SLC24A2: variants seen among roughly 807,000 people sequenced by gnomAD.
The protein encoded by SLC24A2 is sodium/potassium/calcium exchanger 2.
SLC24A2 carries 36 observed loss-of-function variants against 62.0 expected under a neutral mutation model. That is an observed-to-expected ratio of 0.58 (90% CI 0.44 to 0.77). The LOEUF (loss-of-function observed/expected upper bound fraction) is 0.77, where lower values mean the gene tolerates loss of function less well. Ranked by LOEUF, SLC24A2 falls within the 30% of genes least tolerant of loss-of-function variation. The pLI, the probability that SLC24A2 is intolerant of heterozygous loss-of-function variation, is 0.00. For synonymous variants in SLC24A2, 358 were observed against 294.0 expected, an observed-to-expected ratio of 1.22 and a Z score of -2.23; for missense variants, 846 against 817.9, an observed-to-expected ratio of 1.03 and a Z score of -0.42.
At chr9:20,096,519 T>A in the SLC24A2 span, among the ~76,000 whole-genome samples, 1 of 152,158 alleles carries the variant, frequency 6.6e-6, no homozygotes. Flanking sequence ...CTATATTTTA[T>A]ACATCTCTCA....
At chr9:19,655,270 G>A (rs149341766) in intron 2 of SLC24A2, among the ~76,000 whole-genome samples, 30 of 152,278 alleles carry the variant, frequency 2.0e-4, no homozygotes, top group South Asian at 4.1e-4. Context: ...TTTGTAACCC[G>A]AGGTTTTTGG....
In SLC24A2 at chr9:19,786,416, T is replaced by C; in HGVS notation, c.451A>G (p.Ile151Val). The change falls in exon 2 of 11, where the codon ATT (isoleucine) becomes GTT (valine). Residue 151 changes from isoleucine (I) to valine (V), a missense_variant. By Grantham distance (29) the Ile-to-Val change is conservative (BLOSUM62 3). Coordinates refer to ENST00000341998, the MANE Select transcript of SLC24A2 (RefSeq NM_020344.4). The surrounding 1 kb of genome is among the most constrained non-coding windows in gnomAD (Gnocchi z 5.0). Reference protein sequence around the residue: ...GMIYMFIALAIVCDEFFVPSL... With the variant: ...GMIYMFIALAVVCDEFFVPSL... ...GGAACAAAGAACTCATCACAGACAA[T>C]GGCTAAGGCTATGAACATGTAGATC... 2 of 1,614,118 alleles carry C rather than the reference T, an allele frequency of 1.2e-6. No homozygotes were observed. The highest frequency in any genetic ancestry group is 8.5e-7 in the Non-Finnish European group (1 of 1,180,032).
chr9:19,990,901 C>A, the SLC24A2 span, among the ~76,000 whole-genome samples: 1 of 59,722 alleles, frequency 1.7e-5, no homozygotes, highest in South Asian at 3.5e-4. Context: ...TTAGGGTTCT[C>A]TAGAGGGACA....
At chr9:19,952,244 A>G in the SLC24A2 span, among the ~76,000 whole-genome samples, 1 of 152,048 alleles carries the variant, frequency 6.6e-6, no homozygotes, top group Admixed American at 6.5e-5. Context: ...TCATACATAA[A>G]TATGTTGTCT....
chr9:20,174,205 G>A, the SLC24A2 span, among the ~76,000 whole-genome samples: 1 of 151,862 alleles, frequency 6.6e-6, no homozygotes, highest in Non-Finnish European at 1.5e-5. Flanking sequence ...AACTCAAGAC[G>A]GATTAAGGAC....
At chr9:20,243,224 T>C in the SLC24A2 span, among the ~76,000 whole-genome samples, 1 of 152,188 alleles carries the variant, frequency 6.6e-6, no homozygotes, top group Non-Finnish European at 1.5e-5. Flanking sequence ...AATTATAAAT[T>C]AGCACCTTCA....
chr9:19,908,713 C>A, the SLC24A2 span, among the ~76,000 whole-genome samples: 2 of 151,974 alleles, frequency 1.3e-5, no homozygotes, highest in South Asian at 2.1e-4. Context: ...TTTATGCAGC[C>A]AAAAAACACA....
chr9:19,953,914 C>A, the SLC24A2 span, among the ~76,000 whole-genome samples: 1 of 151,724 alleles, frequency 6.6e-6, no homozygotes, highest in East Asian at 1.9e-4. Flanking sequence ...AAATATTATC[C>A]TGAGCTAGTA....
At chr9:19,545,912 C>T (rs1465315365) in intron 8 of SLC24A2, among the ~76,000 whole-genome samples, 6 of 152,198 alleles carry the variant, frequency 3.9e-5, no homozygotes, top group Admixed American at 2.6e-4. Context: ...GCTGGGATTA[C>T]AGCCGTGAGC....
At chr9:20,011,337 G>T in the SLC24A2 span, among the ~76,000 whole-genome samples, 2 of 152,094 alleles carry the variant, frequency 1.3e-5, no homozygotes, top group Admixed American at 1.3e-4. Context: ...CTGTGGTTTT[G>T]ATTTGCATTT....
At chr9:19,528,425 C>G (rs1833536135) in intron 8 of SLC24A2, among the ~76,000 whole-genome samples, 2 of 152,294 alleles carry the variant, frequency 1.3e-5, no homozygotes, top group Admixed American at 6.5e-5. Context: ...TAGATTCCCT[C>G]TGCTCTTGTC....
At chr9:20,108,715 G>T in the SLC24A2 span, among the ~76,000 whole-genome samples, 2 of 140,236 alleles carry the variant, frequency 1.4e-5, no homozygotes, top group Non-Finnish European at 3.1e-5. Flanking sequence ...GGGGGAGGGG[G>T]GAGGGATAGC....
At position 19,636,323 on chromosome 9, in the gene SLC24A2, C is replaced by CCT. The variant is rs748059488; in HGVS notation, c.931-14025_931-14024insAG. 3.2e-3 allele frequency among the ~76,000 whole-genome samples: 62 copies of CCT among 19,164 alleles called. 6 individuals carry two copies. The highest frequency in any genetic ancestry group is 8.8e-3 in the African/African-American group (45 of 5,100). The allele number at this position is 19,164 out of a possible 152,430, so 12.6% of individuals were successfully genotyped here. On this transcript the variant is annotated intron_variant, in intron 2 of 10. Coordinates refer to ENST00000341998, the MANE Select transcript of SLC24A2 (RefSeq NM_020344.4). ...TCTTTTCTTTTCTTTTCTTTTCTTT[C>CCT]TTTCTTTCTTTCTTTCTTTCTTTCT...
At chr9:20,281,605 G>A in the SLC24A2 span, among the ~76,000 whole-genome samples, 1 of 152,226 alleles carries the variant, frequency 6.6e-6, no homozygotes, top group East Asian at 1.9e-4. Context: ...GTCTTCTTTT[G>A]TGCCACATAG....
At position 19,786,366 on chromosome 9, in the gene SLC24A2, T is replaced by G. The variant is rs1386987472; in HGVS notation, c.501A>C (p.Lys167Asn). The change falls in exon 2 of 11, where the codon AAA becomes AAC. Residue 167 changes from lysine (K) to asparagine (N), a missense_variant. By Grantham distance (94) the Lys-to-Asn change is moderately conservative. Coordinates refer to ENST00000341998, the MANE Select transcript of SLC24A2 (RefSeq NM_020344.4). This position sits in a 1 kb window ranked among gnomAD's most constrained non-coding sequence, Gnocchi z 5.0. ...CAGCCACATCATCAGAGATGCCCAG[T>G]TTTTCAGTGATGACAGTCAAAGAAG... is the stretch of plus-strand genomic sequence containing the variant. ...FVPSLTVITEKLGISDDVAGA... is the reference protein window; with the variant it reads ...FVPSLTVITENLGISDDVAGA... 3 of 1,614,028 alleles carry G rather than the reference T, an allele frequency of 1.9e-6. No homozygotes were observed. The African/African-American group carries it at 4.0e-5, about 22-fold the overall frequency.
At chr9:19,988,587 A>T in the SLC24A2 span, among the ~76,000 whole-genome samples, 2 of 152,180 alleles carry the variant, frequency 1.3e-5, no homozygotes, top group Non-Finnish European at 2.9e-5. Context: ...TAAGAATTAG[A>T]CAAGGGAGGG....
intron 2 of SLC24A2, among the ~76,000 whole-genome samples, chr9:19,633,128 T>C (rs543004389): frequency 6.6e-6 from 1 of 152,370 alleles, no homozygotes; most frequent in African/African-American, 2.4e-5. Context: ...TTATTGTATG[T>C]ATCAACAATT....
the SLC24A2 span, among the ~76,000 whole-genome samples, chr9:20,299,255 T>G: frequency 2.6e-5 from 4 of 152,266 alleles, no homozygotes; most frequent in South Asian, 8.3e-4. Flanking sequence ...TGAATACCTA[T>G]TTTATTTAGG....
the SLC24A2 span, among the ~76,000 whole-genome samples, chr9:19,864,699 A>G: frequency 6.6e-6 from 1 of 152,078 alleles, no homozygotes; most frequent in Non-Finnish European, 1.5e-5. Flanking sequence ...AGCATAATAA[A>G]AGCTACATAT....
Sources: gnomAD v4.1 joint callset for allele counts (sites outside exome capture counted in the v4.1 genomes callset) on GRCh38, gnomAD v4.1.1 for gene constraint, Gnocchi (gnomAD v3.1) non-coding constraint, MANE v1.5 for transcripts, NCBI Gene and HGNC (gene_info 2026-07-23, HGNC 2026-07-21) for gene names.